TMEM181: variants seen among roughly 807,000 people sequenced by gnomAD.
TMEM181 encodes transmembrane protein 181, also known as G protein-coupled receptor 178.
Under a neutral mutation model 71.9 loss-of-function variants are expected in TMEM181, and 39 were observed. The observed-to-expected ratio is 0.54, with a 90% CI of 0.42 to 0.71. TMEM181 has a LOEUF of 0.71. Ranked by LOEUF, TMEM181 falls within the 30% of genes least tolerant of loss-of-function variation. The pLI is 0.00. For synonymous variants in TMEM181, 245 were observed against 228.8 expected, an observed-to-expected ratio of 1.07 and a Z score of -0.64; for missense variants, 595 against 583.0, an observed-to-expected ratio of 1.02 and a Z score of -0.21.
At chr6:158,581,558 C>G (rs1783475185) in intron 3 of TMEM181, among the ~76,000 whole-genome samples, 1 of 151,954 alleles carries the variant, frequency 6.6e-6, no homozygotes, top group African/African-American at 2.4e-5. Context: ...TTGAGACCAT[C>G]CTGGCTAACA....
At chr6:158,576,923 ATGG>A (rs996030387) in intron 2 of TMEM181, among the ~76,000 whole-genome samples, 1 of 152,106 alleles carries the variant, frequency 6.6e-6, no homozygotes, top group South Asian at 2.1e-4. Flanking sequence ...TTAGCCAGGC[ATGG>A]TGGTGGGCAC....
In TMEM181 at chr6:158,589,786, A is replaced by G; in HGVS notation, c.492+4A>G. ...CATCAAGGGAATGAACTTCACAGTA[A>G]GTATACCAGCTGACTGCACGTTTCC... On this transcript the variant is annotated splice_donor_region_variant and intron_variant, in intron 6 of 16. Coordinates refer to ENST00000684151, the MANE Select transcript of TMEM181 (RefSeq NM_001376852.1). The G allele has an allele frequency of 1.3e-6, 2 of 1,597,688 alleles. No homozygotes were observed. Among genetic ancestry groups the G allele is most frequent in the African/African-American group, 1.3e-5 (1 of 74,660 alleles).
At chr6:158,623,674 G>A in intron 11 of TMEM181, 67 bp downstream of exon 11, 1 of 1,187,054 alleles carries the variant, frequency 8.4e-7, no homozygotes. Context: ...ACTGAATTTT[G>A]TGACTTAAAT....
upstream of TMEM181, among the ~76,000 whole-genome samples, chr6:158,556,385 TAACA>T (rs745871774): frequency 3.9e-5 from 6 of 152,094 alleles, no homozygotes; most frequent in East Asian, 3.9e-4. Context: ...TCAACCTAAA[TAACA>T]AACAAAGAGG....
chr6:158,552,681 C>A (rs1301403973), intron 1 of TMEM181, among the ~76,000 whole-genome samples: 1 of 152,096 alleles, frequency 6.6e-6, no homozygotes, highest in African/African-American at 2.4e-5. Flanking sequence ...ATCGTCTCAG[C>A]CTTATCAGGG....
In TMEM181 at chr6:158,592,919, A is replaced by T. The variant is rs543054098; in HGVS notation, c.492+3137A>T. ...TGGGTGACAGAGTGAGACCCTGTCT[A>T]AAAAAAATGCAAATATTAAAAACAA... On this transcript the variant is annotated intron_variant, in intron 6 of 16. Coordinates refer to ENST00000684151, the MANE Select transcript of TMEM181 (RefSeq NM_001376852.1). 2.0e-5 allele frequency among the ~76,000 whole-genome samples: 3 copies of T among 151,924 alleles called. No homozygotes were observed. The South Asian group carries it at 6.3e-4, about 32-fold the overall frequency.
upstream of TMEM181, among the ~76,000 whole-genome samples, chr6:158,559,907 T>C (rs1782050155): frequency 6.6e-6 from 1 of 152,196 alleles, no homozygotes; most frequent in Non-Finnish European, 1.5e-5. Flanking sequence ...TCATTCCTTC[T>C]GTCTTGAGCC....
chr6:158,613,254 T>C (rs889828912), intron 10 of TMEM181, among the ~76,000 whole-genome samples: 2 of 152,228 alleles, frequency 1.3e-5, no homozygotes, highest in Non-Finnish European at 2.9e-5. Context: ...TGAAACCTAA[T>C]TTTCTCTCTC....
Position 158,560,186 on chromosome 6 carries a change from G to C in TMEM181, c.-39G>C, listed in dbSNP as rs1014193274. 3.0e-6 allele frequency: 3 copies of C among 984,778 alleles called. No homozygotes were observed. The highest frequency in any genetic ancestry group is 3.6e-6 in the Non-Finnish European group (3 of 829,762). 61.0% of individuals were successfully genotyped at this position (984,778 alleles called of 1,614,324 possible). A position where few individuals can be genotyped will look rare whatever the true frequency, so the allele number is the denominator to read the frequency against. On this transcript the variant is annotated 5_prime_UTR_variant, in exon 1 of 17. Transcript: ENST00000684151. Reference sequence around the variant, plus strand: ...CTGCTGCGCGGCGCCTGGCGGGCTCGGGACGCGCGGGCCGGGGCCGAGGGC... The same window carrying C: ...CTGCTGCGCGGCGCCTGGCGGGCTCCGGACGCGCGGGCCGGGGCCGAGGGC...
chr6:158,580,808 A>C, intron 2 of TMEM181, 132 bp from the exon 3 acceptor site: 1 of 712,856 alleles, frequency 1.4e-6, no homozygotes. Flanking sequence ...ACATTGTATA[A>C]TCTCTAAAGA....
intron 6 of TMEM181, among the ~76,000 whole-genome samples, chr6:158,592,254 AT>A (rs1784149798): frequency 6.6e-6 from 1 of 152,226 alleles, no homozygotes; most frequent in African/African-American, 2.4e-5. Flanking sequence ...AAATTTAGAA[AT>A]TCACGTGGCA....
chr6:158,608,265 ATGGGGTGCTGTC>A, intron 8 of TMEM181, 56 bp from the exon 9 acceptor site: 1 of 1,545,944 alleles, frequency 6.5e-7, no homozygotes. Context: ...CCGCAGAGGT[ATGGGGTGCTGTC>A]TGCCAGGTGC....
chr6:158,613,458 T>A (rs1785440772), intron 10 of TMEM181, among the ~76,000 whole-genome samples: 1 of 152,224 alleles, frequency 6.6e-6, no homozygotes, highest in Non-Finnish European at 1.5e-5. Flanking sequence ...GCCATGGATT[T>A]GTACCATTAA....
intron 15 of TMEM181, 48 bp from the exon 16 acceptor site, chr6:158,631,275 C>T: frequency 1.9e-6 from 3 of 1,596,392 alleles, no homozygotes; most frequent in Non-Finnish European, 2.6e-6. Flanking sequence ...CCTGTCCAGG[C>T]TCATCACGTC....
intron 2 of TMEM181, among the ~76,000 whole-genome samples, chr6:158,579,330 A>G (rs1403242760): frequency 1.3e-5 from 2 of 152,172 alleles, no homozygotes; most frequent in Non-Finnish European, 2.9e-5. Context: ...TATTCACAAT[A>G]ACAAACTGTG....
intron 1 of TMEM181, among the ~76,000 whole-genome samples, chr6:158,565,706 G>C (rs1033326150): frequency 6.6e-6 from 1 of 152,242 alleles, no homozygotes; most frequent in Non-Finnish European, 1.5e-5. Context: ...CTCAGTGCTG[G>C]CCTCTGGGGG....
At chr6:158,545,928 T>C in intron 1 of TMEM181, among the ~76,000 whole-genome samples, 1 of 152,200 alleles carries the variant, frequency 6.6e-6, no homozygotes, top group East Asian at 1.9e-4. Context: ...AGCAAAGTAA[T>C]CTTGGTTGTT....
intron 1 of TMEM181, among the ~76,000 whole-genome samples, chr6:158,548,270 C>G (rs1781602264): frequency 6.6e-6 from 1 of 152,214 alleles, no homozygotes; most frequent in Admixed American, 6.5e-5. Flanking sequence ...ACTCCATCCT[C>G]TCTCCTTCCT....
chr6:158,624,816 A>G (rs1786177665), intron 11 of TMEM181, among the ~76,000 whole-genome samples: 1 of 152,228 alleles, frequency 6.6e-6, no homozygotes, highest in African/African-American at 2.4e-5. Context: ...TGGCCACCGC[A>G]GTCTGAGCAC....
Sources: gnomAD v4.1 joint callset for allele counts (sites outside exome capture counted in the v4.1 genomes callset) on GRCh38, gnomAD v4.1.1 for gene constraint, MANE v1.5 for transcripts, NCBI Gene and HGNC (gene_info 2026-07-23, HGNC 2026-07-21) for gene names.